Variants in RALGPS1 observed in about 807,000 individuals in gnomAD.
RALGPS1 encodes Ral GEF with PH domain and SH3 binding motif 1.
In RALGPS1, 19 loss-of-function variants were observed where a neutral mutation model predicts 78.8. That is an observed-to-expected ratio of 0.24 (90% CI 0.17 to 0.35). The LOEUF (loss-of-function observed/expected upper bound fraction) is 0.35. RALGPS1 is among the 10% of genes least tolerant of loss of function. RALGPS1 has a pLI of 1.00. For synonymous variants in RALGPS1, 228 were observed against 256.3 expected, an observed-to-expected ratio of 0.89 and a Z score of 1.06; for missense variants, 454 against 688.3, an observed-to-expected ratio of 0.66 and a Z score of 3.81.
Position 127,034,457 on chromosome 9 carries a change from G to A in RALGPS1, c.243G>A (p.Lys81=). The A allele has an allele frequency of 6.2e-7, 1 of 1,614,142 alleles. No individual in the cohort carries two copies. Among genetic ancestry groups the A allele is most frequent in the Non-Finnish European group, 8.5e-7 (1 of 1,179,998 alleles). Residue 81 remains lysine (K), a synonymous_variant, in exon 5 of 19, where the codon AAG becomes AAA. Coordinates refer to ENST00000259351, the MANE Select transcript of RALGPS1 (RefSeq NM_014636.3). The stretch of plus-strand genomic sequence containing the variant: ...AACTAGCCAGCTGTGGATGGAGTAA[G>A]AAGGAGAAACACAGTCTTGCCCCTA... ...PEELASCGWS[K]KEKHSLAPNV...
intron 4 of RALGPS1, among the ~76,000 whole-genome samples, chr9:126,981,972 G>A (rs1379898235): frequency 6.6e-6 from 1 of 152,130 alleles, no homozygotes; most frequent in Non-Finnish European, 1.5e-5. Context: ...TTCCAAGGTG[G>A]CTCGTGCACA....
In RALGPS1 at chr9:127,069,244, A is replaced by G; in HGVS notation, c.498A>G (p.Lys166=). Residue 166 remains lysine (K), a synonymous_variant, in exon 8 of 19, where the codon AAA becomes AAG. Coordinates refer to ENST00000259351, the MANE Select transcript of RALGPS1 (RefSeq NM_014636.3). ...LTKTWALLNR[K]DKTTFEKLDY... is the part of the protein sequence containing the mutation. ...TCTCATTCTAGCTTTTAAATCGAAA[A>G]GACAAGACTACCTTTGAGAAATTGG... The G allele has an allele frequency of 6.2e-7, 1 of 1,607,890 alleles. No individual in the cohort carries two copies.
chr9:127,171,319 C>A (rs935954449), intron 10 of RALGPS1, among the ~76,000 whole-genome samples: 1 of 152,082 alleles, frequency 6.6e-6, no homozygotes, highest in Middle Eastern at 3.4e-3. Context: ...ACTACACTGG[C>A]TATTTTTAAT....
chr9:126,928,518 G>T (rs143612490), intron 1 of RALGPS1, among the ~76,000 whole-genome samples: 1 of 152,108 alleles, frequency 6.6e-6, no homozygotes, highest in Non-Finnish European at 1.5e-5. Context: ...AGAACATAAA[G>T]AAATGTTTCA....
At chr9:127,186,709 G>A (rs2060672272) in intron 11 of RALGPS1, among the ~76,000 whole-genome samples, 2 of 152,236 alleles carry the variant, frequency 1.3e-5, no homozygotes, top group South Asian at 4.1e-4. Flanking sequence ...GAGACCCAGA[G>A]CAGGGAGAGC....
intron 4 of RALGPS1, among the ~76,000 whole-genome samples, chr9:127,008,188 T>C (rs1038945932): frequency 1.3e-5 from 2 of 151,842 alleles, no homozygotes; most frequent in African/African-American, 4.8e-5. Context: ...TGTGCAGAAT[T>C]TGGTTTTGCA....
intron 8 of RALGPS1, chr9:127,108,215 C>G (rs1416114506): frequency 1.2e-6 from 2 of 1,613,948 alleles, no homozygotes; most frequent in Non-Finnish European, 8.5e-7. Context: ...TACTTGCTGG[C>G]CAGCTGCAGC....
chr9:127,093,295 AC>A (rs2136472651), intron 8 of RALGPS1, among the ~76,000 whole-genome samples: 1 of 152,264 alleles, frequency 6.6e-6, no homozygotes, highest in South Asian at 2.1e-4. Context: ...ACAACTCCCT[AC>A]CAGGACTTTT....
chr9:127,001,214 G>A (rs2043278801), intron 4 of RALGPS1, among the ~76,000 whole-genome samples: 1 of 151,686 alleles, frequency 6.6e-6, no homozygotes, highest in Non-Finnish European at 1.5e-5. Flanking sequence ...TTGAACCCAG[G>A]AGGTTGAGGC....
At chr9:126,994,076 G>GA (rs1001943136) in intron 4 of RALGPS1, among the ~76,000 whole-genome samples, 26 of 151,470 alleles carry the variant, frequency 1.7e-4, no homozygotes, top group African/African-American at 4.6e-4. Context: ...ACAAAGATGG[G>GA]AAAAAAAACA....
chr9:127,140,618 A>G (rs2057706196), intron 8 of RALGPS1, among the ~76,000 whole-genome samples: 1 of 152,184 alleles, frequency 6.6e-6, no homozygotes, highest in Admixed American at 6.5e-5. Context: ...ACACACCTAA[A>G]TCCTAAGAGC....
rs1160699039 is a variant in RALGPS1, at chr9:127,183,157, C to A, written c.910+8375C>A. Reference sequence around the variant, plus strand: ...CATTCATGAAGGATCCGCCCCCGACCCAGTCACCCCACCAGGCCTCGCCTC... The same window carrying A: ...CATTCATGAAGGATCCGCCCCCGACACAGTCACCCCACCAGGCCTCGCCTC... On this transcript the variant is annotated intron_variant, in intron 11 of 18. Transcript: ENST00000259351. This position sits in a 1 kb window ranked among gnomAD's most constrained non-coding sequence, Gnocchi z 4.0. 6.8e-6 allele frequency among the ~76,000 whole-genome samples: 1 copy of A among 147,958 alleles called. No homozygotes were observed. The highest frequency in any genetic ancestry group is 1.5e-5 in the Non-Finnish European group (1 of 66,578).
chr9:127,034,197 G>A (rs1232656438), intron 4 of RALGPS1, among the ~76,000 whole-genome samples: 2 of 152,152 alleles, frequency 1.3e-5, no homozygotes, highest in Non-Finnish European at 2.9e-5. Context: ...AGAAATCCTG[G>A]GAAACATGGC....
At chr9:126,966,359 A>C (rs1226094842) in intron 3 of RALGPS1, among the ~76,000 whole-genome samples, 1 of 152,070 alleles carries the variant, frequency 6.6e-6, no homozygotes, top group Non-Finnish European at 1.5e-5. Context: ...TCTACAAAAA[A>C]TGGAAATAAA....
intron 8 of RALGPS1, among the ~76,000 whole-genome samples, chr9:127,115,428 C>T (rs935992868): frequency 1.3e-5 from 2 of 152,196 alleles, no homozygotes; most frequent in Non-Finnish European, 1.5e-5. Flanking sequence ...AATAGCACCC[C>T]CTTTTCACTC....
At chr9:127,169,934 T>TGC (rs2059480898) in intron 10 of RALGPS1, among the ~76,000 whole-genome samples, 1 of 152,202 alleles carries the variant, frequency 6.6e-6, no homozygotes, top group Admixed American at 6.5e-5. Context: ...TGACTTGTAA[T>TGC]ATTTTCAACT....
intron 8 of RALGPS1, among the ~76,000 whole-genome samples, chr9:127,143,402 A>C (rs112993698): frequency 6.6e-6 from 1 of 152,206 alleles, no homozygotes. Context: ...TGGATTTTAG[A>C]TGGAGGCTTT....
At chr9:127,082,813 G>T (rs1266370565) in intron 8 of RALGPS1, among the ~76,000 whole-genome samples, 1 of 152,146 alleles carries the variant, frequency 6.6e-6, no homozygotes, top group African/African-American at 2.4e-5. Context: ...CCCTATAGAT[G>T]ATGGCTAGTA....
At chr9:127,194,992 T>C (rs944246795) in intron 11 of RALGPS1, 99 bp from the exon 12 acceptor site, 1 of 1,470,888 alleles carries the variant, frequency 6.8e-7, no homozygotes, top group Non-Finnish European at 9.4e-7. Flanking sequence ...GTTGCTGTAC[T>C]TCAAACCCGG....
Sources: allele counts gnomAD v4.1 joint callset (sites outside exome capture counted in the v4.1 genomes callset), GRCh38; gene constraint gnomAD v4.1.1; non-coding constraint Gnocchi (gnomAD v3.1); transcripts MANE v1.5; gene names NCBI Gene and HGNC (gene_info 2026-07-23, HGNC 2026-07-21).